PDZRN3: variants seen among roughly 807,000 people sequenced by gnomAD.
PDZRN3 encodes PDZ domain containing ring finger 3, also known as E3 ubiquitin-protein ligase PDZRN3.
PDZRN3 carries 38 observed loss-of-function variants against 85.7 expected under a neutral mutation model. The ratio of observed to expected loss-of-function variants is 0.44; its 90% CI spans 0.34 to 0.58. The LOEUF is 0.58. Ranked by LOEUF, PDZRN3 falls within the 20% of genes least tolerant of loss-of-function variation. The probability of loss-of-function intolerance (pLI) is 0.01; values close to 1 mark genes in which losing one functional copy is unlikely to be tolerated. For synonymous variants in PDZRN3, 759 were observed against 638.0 expected, an observed-to-expected ratio of 1.19 and a Z score of -2.86; for missense variants, 1,629 against 1,506.4, an observed-to-expected ratio of 1.08 and a Z score of -1.35.
intron 3 of PDZRN3, among the ~76,000 whole-genome samples, chr3:73,456,456 C>T (rs889482415): frequency 1.3e-5 from 2 of 152,054 alleles, no homozygotes; most frequent in African/African-American, 4.8e-5. Flanking sequence ...AGAAGTGAAA[C>T]AAAATAATGT....
chr3:73,460,195 G>C (rs907533900), intron 3 of PDZRN3, among the ~76,000 whole-genome samples: 3 of 152,108 alleles, frequency 2.0e-5, no homozygotes, highest in Non-Finnish European at 4.4e-5. Context: ...TTGATTTTGA[G>C]AACTATTATA....
At chr3:73,408,810 C>T (rs896764694) in intron 3 of PDZRN3, among the ~76,000 whole-genome samples, 20 of 152,096 alleles carry the variant, frequency 1.3e-4, no homozygotes, top group African/African-American at 4.8e-4. Context: ...CACTGAGACT[C>T]TTAGCGAGAT....
intron 5 of PDZRN3, among the ~76,000 whole-genome samples, chr3:73,399,666 T>A (rs1701711423): frequency 6.6e-6 from 1 of 152,140 alleles, no homozygotes; most frequent in South Asian, 2.1e-4. Flanking sequence ...AAACTACATT[T>A]TCTGGAACAA....
chr3:73,507,327 T>C (rs1236493759), intron 3 of PDZRN3, among the ~76,000 whole-genome samples: 1 of 152,064 alleles, frequency 6.6e-6, no homozygotes, highest in African/African-American at 2.4e-5. Flanking sequence ...TGCCACCATA[T>C]GCCTGGATAA....
intron 3 of PDZRN3, among the ~76,000 whole-genome samples, chr3:73,598,154 T>C (rs1702458195): frequency 2.0e-5 from 3 of 152,056 alleles, no homozygotes; most frequent in Admixed American, 2.0e-4. Flanking sequence ...TCTGCCTCAG[T>C]TGGATAACCC....
At position 73,382,813 on chromosome 3, in the gene PDZRN3, G is replaced by C. The variant is rs1250436243; in HGVS notation, c.*552C>G. The C allele has an allele frequency of 1.3e-5, 2 of 153,040 alleles. No individual in the cohort carries two copies. Among genetic ancestry groups the C allele is most frequent in the African/African-American group, 4.8e-5 (2 of 41,442 alleles). 9.5% of individuals were successfully genotyped at this position (153,040 alleles called of 1,614,324 possible). On this transcript the variant is annotated 3_prime_UTR_variant, in exon 10 of 10. Transcript: ENST00000263666. ...TTAAATGTATATCCCAACTCTAAAC[G>C]CTGCCGGTTTGGTTATATGTATTAA...
chr3:73,409,339 A>T (rs1172788732), intron 3 of PDZRN3, among the ~76,000 whole-genome samples: 1 of 152,136 alleles, frequency 6.6e-6, no homozygotes, highest in Non-Finnish European at 1.5e-5. Context: ...TCTTCCTAGG[A>T]GGTACTTGTA....
At chr3:73,556,528 G>T (rs889391867) in intron 3 of PDZRN3, among the ~76,000 whole-genome samples, 1 of 152,070 alleles carries the variant, frequency 6.6e-6, no homozygotes, top group African/African-American at 2.4e-5. Flanking sequence ...GAATTTTTAC[G>T]GTGGACTTTA....
intron 3 of PDZRN3, among the ~76,000 whole-genome samples, chr3:73,434,258 C>T (rs191463336): frequency 1.8e-4 from 28 of 152,204 alleles, no homozygotes; most frequent in Admixed American, 5.9e-4. Context: ...TAATGTGTTT[C>T]GGCTAGGTAG....
intron 3 of PDZRN3, among the ~76,000 whole-genome samples, chr3:73,543,585 T>C (rs1465657882): frequency 6.6e-6 from 1 of 152,240 alleles, no homozygotes; most frequent in Non-Finnish European, 1.5e-5. Flanking sequence ...CAATATTTCC[T>C]TTAGGCTTCT....
At chr3:73,418,508 A>T (rs1296501156) in intron 3 of PDZRN3, among the ~76,000 whole-genome samples, 1 of 152,174 alleles carries the variant, frequency 6.6e-6, no homozygotes, top group Non-Finnish European at 1.5e-5. Context: ...TTTTTAATAT[A>T]AGAGGAACCT....
intron 3 of PDZRN3, among the ~76,000 whole-genome samples, chr3:73,484,781 C>CCT (rs1703633646): frequency 6.6e-6 from 1 of 152,112 alleles, no homozygotes. Context: ...ATCTCAGGCT[C>CCT]CTCTGCAGAG....
chr3:73,533,873 C>T (rs1704717359), intron 3 of PDZRN3, among the ~76,000 whole-genome samples: 1 of 152,166 alleles, frequency 6.6e-6, no homozygotes, highest in Non-Finnish European at 1.5e-5. Flanking sequence ...AGCCTGACCA[C>T]CCTATACCAA....
chr3:73,473,585 A>G (rs909017084), intron 3 of PDZRN3, among the ~76,000 whole-genome samples: 4 of 152,232 alleles, frequency 2.6e-5, no homozygotes, highest in Non-Finnish European at 4.4e-5. Flanking sequence ...GAATTTAATC[A>G]TGAATCAGAT....
chr3:73,404,424 G>A lies in PDZRN3; in HGVS notation c.919-29C>T, dbSNP rs1701814014. The A allele has an allele frequency of 3.8e-6, 6 of 1,592,894 alleles. No individual in the cohort carries two copies. The South Asian group carries it at 4.5e-5, about 12-fold the overall frequency. ...TGGAAAAATATTTAGGGTGGGACAA[G>A]GTTAGAATAAAGCAGAAAACGGAAG... On this transcript the variant is annotated intron_variant, in intron 3 of 9. Transcript: ENST00000263666.
chr3:73,536,914 C>T (rs1165898733), intron 3 of PDZRN3, among the ~76,000 whole-genome samples: 4 of 152,092 alleles, frequency 2.6e-5, no homozygotes, highest in South Asian at 4.1e-4. Flanking sequence ...GAGTTGTTTT[C>T]GTTGCATATA....
At chr3:73,399,968 A>G (rs527582375) in intron 5 of PDZRN3, among the ~76,000 whole-genome samples, 1 of 152,316 alleles carries the variant, frequency 6.6e-6, no homozygotes, top group Admixed American at 6.5e-5. Context: ...GCTGTTTTCT[A>G]CTATTTGACT....
chr3:73,429,913 C>A (rs1702396420), intron 3 of PDZRN3, among the ~76,000 whole-genome samples: 1 of 152,174 alleles, frequency 6.6e-6, no homozygotes, highest in African/African-American at 2.4e-5. Context: ...AGGAACCTTT[C>A]TCAGGAGGTA....
At chr3:73,524,421 A>C (rs1704471376) in intron 3 of PDZRN3, among the ~76,000 whole-genome samples, 1 of 152,244 alleles carries the variant, frequency 6.6e-6, no homozygotes, top group Non-Finnish European at 1.5e-5. Flanking sequence ...TCTGAGTAAC[A>C]AATTAGCCTC....
Sources: gnomAD v4.1 joint callset for allele counts (sites outside exome capture counted in the v4.1 genomes callset) on GRCh38, gnomAD v4.1.1 for gene constraint, MANE v1.5 for transcripts, NCBI Gene and HGNC (gene_info 2026-07-23, HGNC 2026-07-21) for gene names.